The following CCR9 variants were observed in gnomAD, a reference collection of about 807,000 sequenced individuals.
CCR9 encodes the protein C-C chemokine receptor type 9.
CCR9 carries 4 observed loss-of-function variants against 8.7 expected under a neutral mutation model. That is an observed-to-expected ratio of 0.46 (90% CI 0.23 to 1.06). The LOEUF (loss-of-function observed/expected upper bound fraction) is 1.06, where lower values mean the gene tolerates loss of function less well. Among genes scored for constraint, CCR9 ranks in the 50% least tolerant of loss-of-function variants. The pLI, the probability that CCR9 is intolerant of heterozygous loss-of-function variation, is 0.21. For synonymous variants in CCR9, 159 were observed against 168.8 expected, an observed-to-expected ratio of 0.94 and a Z score of 0.45; for missense variants, 394 against 453.6, an observed-to-expected ratio of 0.87 and a Z score of 1.19.
At chr3:45,890,309 ATATATATT>A (rs370970579) in intron 1 of CCR9, among the ~76,000 whole-genome samples, 41 of 50,388 alleles carry the variant, frequency 8.1e-4, no homozygotes, top group African/African-American at 1.4e-3. Context: ...TATAACATAT[ATATATATT>A]TATATAAATA....
chr3:45,898,760 A>G (rs1447968813), intron 2 of CCR9, among the ~76,000 whole-genome samples: 3 of 152,250 alleles, frequency 2.0e-5, no homozygotes, highest in African/African-American at 7.2e-5. Flanking sequence ...CTCCACAAAC[A>G]CACACACAAC....
chr3:45,892,117 T>G (rs1454780187), intron 1 of CCR9, among the ~76,000 whole-genome samples: 1 of 152,208 alleles, frequency 6.6e-6, no homozygotes, highest in Non-Finnish European at 1.5e-5. Flanking sequence ...CTAATTATGC[T>G]GTGTATCATT....
rs558478460 is a variant in CCR9 at position 45,896,113 on chromosome 3, T to C, written c.21+1159T>C. Among the ~76,000 whole-genome samples, 19 of 152,388 alleles carry C rather than the reference T, an allele frequency of 1.2e-4. No homozygotes were observed. The South Asian group carries it at 1.7e-3, about 13-fold the overall frequency. On this transcript the variant is annotated intron_variant, in intron 2 of 2. Transcript: ENST00000357632. ...AACAAAAAAGTAATTAATTTGGTCC[T>C]GGTGAAGTAACTATTATTCTGACAA...
chr3:45,887,086 TTG>T (rs1258720148), intron 1 of CCR9, among the ~76,000 whole-genome samples: 2 of 152,136 alleles, frequency 1.3e-5, no homozygotes, highest in African/African-American at 4.8e-5. Context: ...GTTAAATGAA[TTG>T]TGATGTATCT....
chr3:45,893,288 G>A (rs1395847968), intron 1 of CCR9, among the ~76,000 whole-genome samples: 2 of 152,090 alleles, frequency 1.3e-5, no homozygotes, highest in African/African-American at 4.8e-5. Flanking sequence ...CTGAGTAGCT[G>A]AGACTACAGG....
At chr3:45,887,242 C>CGTGTGT (rs1285056620) in intron 1 of CCR9, among the ~76,000 whole-genome samples, 13 of 125,450 alleles carry the variant, frequency 1.0e-4, no homozygotes, top group African/African-American at 4.1e-4. Flanking sequence ...CTATTAAGTG[C>CGTGTGT]GTGTGTGTCT....
At position 45,889,405 on chromosome 3, in the gene CCR9, G is replaced by A. The variant is rs187800497; in HGVS notation, c.-29+2750G>A. ...TAATTACTAGACTTGCTCTTTCTGCGGTAGCTGGAGCAGGCTACAAGTTCC... is the reference window on the plus strand; with the variant it reads ...TAATTACTAGACTTGCTCTTTCTGCAGTAGCTGGAGCAGGCTACAAGTTCC... On this transcript the variant is annotated intron_variant, in intron 1 of 2. Transcript: ENST00000357632. Among the ~76,000 whole-genome samples the A allele has an allele frequency of 1.6e-3, 250 of 152,146 alleles. 1 individual carries two copies. Among genetic ancestry groups the A allele is most frequent in the Admixed American group, 0.015 (236 of 15,280 alleles).
At chr3:45,887,276 A>T (rs986725822) in intron 1 of CCR9, among the ~76,000 whole-genome samples, 1 of 138,840 alleles carries the variant, frequency 7.2e-6, no homozygotes, top group African/African-American at 2.8e-5. Context: ...TGTGTGTGTG[A>T]GGTTGTGTTA....
In CCR9 at chr3:45,901,824, T is replaced by C. The variant is rs1286971294; in HGVS notation, c.1036T>C (p.Phe346Leu). The change falls in exon 3 of 3, where the codon TTT becomes CTT. Residue 346 changes from phenylalanine (F) to leucine (L), a missense_variant. Physicochemically the swap from Phe to Leu is conservative, Grantham distance 22. Transcript: ENST00000357632. The surrounding 1 kb of genome is among the most constrained non-coding windows in gnomAD (Gnocchi z 4.3). ...GCISQAQWVS[F>L]TRREGSLKLS... is the part of the protein sequence containing the mutation. ...CATCAGCCAGGCCCAGTGGGTTTCA[T>C]TTACAAGGAGAGAGGGAAGCTTGAA... The C allele has an allele frequency of 6.2e-7, 1 of 1,613,812 alleles. No homozygotes were observed. Among genetic ancestry groups the C allele is most frequent in the South Asian group, 1.1e-5 (1 of 91,068 alleles).
At chr3:45,886,452 C>T (rs376796992), upstream of CCR9, 4 of 152,336 alleles carry the variant, frequency 2.6e-5, no homozygotes, top group African/African-American at 9.6e-5. Context: ...ACAGGTGACT[C>T]CCCACCCTCT....
In CCR9 at chr3:45,902,007, G is replaced by C; in HGVS notation, c.*109G>C. ...TGAAAGAGAAAAGAAAACTCAGAAA[G>C]GGATGAATCTGAACTATATGATTAC... On this transcript the variant is annotated 3_prime_UTR_variant, in exon 3 of 3. Coordinates refer to ENST00000357632, the MANE Select transcript of CCR9 (RefSeq NM_031200.3). 1.1e-6 allele frequency: 1 copy of C among 923,976 alleles called. No homozygotes were observed. The highest frequency in any genetic ancestry group is 1.6e-6 in the Non-Finnish European group (1 of 616,524). The allele number at this position is 923,976 out of a possible 1,614,324, so 57.2% of individuals were successfully genotyped here. A position where few individuals can be genotyped will look rare whatever the true frequency, so the allele number is the denominator to read the frequency against.
intron 2 of CCR9, chr3:45,897,626 C>G (rs1250954949): frequency 6.5e-7 from 1 of 1,534,530 alleles, no homozygotes; most frequent in East Asian, 2.4e-5. Flanking sequence ...CCTTCCAGGA[C>G]CTTAGCCCAG....
Position 45,901,602 on chromosome 3 carries a change from T to A in CCR9, c.814T>A (p.Cys272Ser). The change falls in exon 3 of 3, where the codon TGC (cysteine) becomes AGC (serine). Residue 272 changes from cysteine to serine, a missense_variant. Coordinates refer to ENST00000357632, the MANE Select transcript of CCR9 (RefSeq NM_031200.3). The surrounding 1 kb of genome is among the most constrained non-coding windows in gnomAD (Gnocchi z 4.3). ...VFVLSQFPYN[C>S]ILLVQTIDAY... is the part of the protein sequence containing the mutation. ...TGTCTTGTCTCAGTTTCCCTACAAC[T>A]GCATTTTGTTGGTGCAGACCATTGA... 6.2e-7 allele frequency: 1 copy of A among 1,614,214 alleles called. No homozygotes were observed. Among genetic ancestry groups the A allele is most frequent in the Non-Finnish European group, 8.5e-7 (1 of 1,180,002 alleles).
chr3:45,902,258 A>G lies in CCR9; in HGVS notation c.*360A>G, dbSNP rs1320547980. On this transcript the variant is annotated 3_prime_UTR_variant, in exon 3 of 3. Coordinates refer to ENST00000357632, the MANE Select transcript of CCR9 (RefSeq NM_031200.3). ...GTGAACTTCTGTGGCTTCAGTTCTC[A>G]TGCTGCCTCTTCCAAAAGGGGACAC... is the stretch of plus-strand genomic sequence containing the variant. 5.0e-6 allele frequency: 1 copy of G among 199,222 alleles called. No homozygotes were observed. Among genetic ancestry groups the G allele is most frequent in the Admixed American group, 5.9e-5 (1 of 17,000 alleles). 12.3% of individuals were successfully genotyped at this position (199,222 alleles called of 1,614,324 possible).
At chr3:45,889,360 T>C (rs1393789023) in intron 1 of CCR9, among the ~76,000 whole-genome samples, 2 of 152,190 alleles carry the variant, frequency 1.3e-5, no homozygotes, top group Non-Finnish European at 2.9e-5. Flanking sequence ...CTTAGTTGCA[T>C]AAAGTAGCCT....
intron 2 of CCR9, among the ~76,000 whole-genome samples, chr3:45,897,061 T>C (rs1702378575): frequency 6.6e-6 from 1 of 152,166 alleles, no homozygotes; most frequent in Admixed American, 6.5e-5. Flanking sequence ...AGGACGTGCC[T>C]GTGTGGGAGC....
rs757490026 is a variant in CCR9 at position 45,901,644 on chromosome 3, A to C, written c.856A>C (p.Ile286Leu). The C allele has an allele frequency of 6.2e-7, 1 of 1,614,152 alleles. No homozygotes were observed. The highest frequency in any genetic ancestry group is 1.1e-5 in the South Asian group (1 of 91,090). Residue 286 changes from isoleucine to leucine, a missense_variant, in exon 3 of 3, where the codon ATC becomes CTC. Physicochemically the swap from Ile to Leu is conservative, Grantham distance 5 (BLOSUM62 2). Coordinates refer to ENST00000357632, the MANE Select transcript of CCR9 (RefSeq NM_031200.3). This position sits in a 1 kb window ranked among gnomAD's most constrained non-coding sequence, Gnocchi z 4.3. The stretch of plus-strand genomic sequence containing the variant: ...GACCATTGACGCCTATGCCATGTTC[A>C]TCTCCAACTGTGCCGTTTCCACCAA... Reference protein sequence around the residue: ...VQTIDAYAMFISNCAVSTNID... With the variant: ...VQTIDAYAMFLSNCAVSTNID...
chr3:45,897,003 C>T (rs17078401), intron 2 of CCR9, among the ~76,000 whole-genome samples: 1 of 152,196 alleles, frequency 6.6e-6, no homozygotes, highest in African/African-American at 2.4e-5. Flanking sequence ...GTGTTCACAA[C>T]TGGGACGCCT....
chr3:45,891,146 C>T (rs1272271094), intron 1 of CCR9, among the ~76,000 whole-genome samples: 2 of 152,140 alleles, frequency 1.3e-5, no homozygotes, highest in Non-Finnish European at 2.9e-5. Flanking sequence ...TTTTCCTGGC[C>T]CCCAGAGGGC....
Sources: gnomAD v4.1 joint callset for allele counts (sites outside exome capture counted in the v4.1 genomes callset) on GRCh38, gnomAD v4.1.1 for gene constraint, Gnocchi (gnomAD v3.1) non-coding constraint, MANE v1.5 for transcripts, NCBI Gene and HGNC (gene_info 2026-07-23, HGNC 2026-07-21) for gene names.